The following TRIP13 variants were observed in gnomAD, a reference collection of about 807,000 sequenced individuals.
TRIP13 encodes the protein pachytene checkpoint protein 2 homolog.
TRIP13 carries 25 observed loss-of-function variants against 54.4 expected under a neutral mutation model. The ratio of observed to expected loss-of-function variants is 0.46; its 90% CI spans 0.33 to 0.64. The LOEUF (loss-of-function observed/expected upper bound fraction) is 0.64. TRIP13 is among the 30% of genes least tolerant of loss of function. TRIP13 has a pLI of 0.02. For missense variants in TRIP13, 373 were observed against 534.2 expected (o/e 0.70, Z 2.97); for synonymous variants, 207 against 207.8 (o/e 1.00, Z 0.03).
intron 2 of TRIP13, among the ~76,000 whole-genome samples, chr5:896,023 T>G (rs1753905726): frequency 6.6e-6 from 1 of 152,140 alleles, no homozygotes; most frequent in Admixed American, 6.5e-5. Flanking sequence ...AAGACACAGT[T>G]AGGAAACCGA....
chr5:895,244 A>G (rs1374379156), intron 2 of TRIP13, among the ~76,000 whole-genome samples: 2 of 152,220 alleles, frequency 1.3e-5, no homozygotes, highest in Admixed American at 6.5e-5. Context: ...GCCATGTCTC[A>G]TTCTTTCAAT....
Position 908,588 on chromosome 5 carries a change from G to C in TRIP13, c.866+127G>C. ...TTCACCGGAAAGTGCATTTGGCATT[G>C]AGTATCGACTCCTTTTCCACATTGG... On this transcript the variant is annotated intron_variant, in intron 9 of 12. Coordinates refer to ENST00000166345, the MANE Select transcript of TRIP13 (RefSeq NM_004237.4). The surrounding 1 kb of genome is among the most constrained non-coding windows in gnomAD (Gnocchi z 5.2). The C allele has an allele frequency of 6.6e-7, 1 of 1,506,044 alleles. No individual in the cohort carries two copies. Among genetic ancestry groups the C allele is most frequent in the East Asian group, 2.4e-5 (1 of 41,422 alleles). The allele number at this position is 1,506,044 out of a possible 1,614,324, so 93.3% of individuals were successfully genotyped here. A position where few individuals can be genotyped will look rare whatever the true frequency, so the allele number is the denominator to read the frequency against.
At chr5:900,049 C>T (rs1269109739) in intron 3 of TRIP13, among the ~76,000 whole-genome samples, 3 of 152,142 alleles carry the variant, frequency 2.0e-5, no homozygotes, top group Non-Finnish European at 4.4e-5. Context: ...GGATAAAAGA[C>T]AATTGTAAGT....
chr5:906,351 ACT>A (rs1372376240), intron 6 of TRIP13, among the ~76,000 whole-genome samples: 1 of 152,172 alleles, frequency 6.6e-6, no homozygotes, highest in Non-Finnish European at 1.5e-5. Flanking sequence ...ACTTTTCCTC[ACT>A]CTATCAAAGA....
At chr5:896,932 G>T in intron 3 of TRIP13, 138 bp downstream of exon 3, 2 of 1,058,702 alleles carry the variant, frequency 1.9e-6, no homozygotes, top group Non-Finnish European at 2.6e-6. Context: ...TTATGAAATG[G>T]AAAGTATATC....
At position 908,231 on chromosome 5, in the gene TRIP13, G is replaced by T. The variant is rs138209573; in HGVS notation, c.760-124G>T. 3.9e-5 allele frequency: 54 copies of T among 1,396,972 alleles called. No homozygotes were observed. The African/African-American group carries it at 5.7e-4, about 15-fold the overall frequency. The allele number at this position is 1,396,972 out of a possible 1,614,324, so 86.5% of individuals were successfully genotyped here. ...GCCTTTCCACCTTGCCGCAGCATCCGCAGGCTAGGCACGGGAACACCCATT... is the reference window on the plus strand; with the variant it reads ...GCCTTTCCACCTTGCCGCAGCATCCTCAGGCTAGGCACGGGAACACCCATT... On this transcript the variant is annotated intron_variant, in intron 8 of 12. Coordinates refer to ENST00000166345, the MANE Select transcript of TRIP13 (RefSeq NM_004237.4). This position sits in a 1 kb window ranked among gnomAD's most constrained non-coding sequence, Gnocchi z 5.2.
chr5:911,977 G>T lies in TRIP13; in HGVS notation c.1001G>T (p.Cys334Phe). Residue 334 changes from cysteine (C) to phenylalanine (F), a missense_variant, in exon 10 of 13, where the codon TGT becomes TTT. Around this residue, in one of 4 missense-constraint regions of TRIP13, gnomAD observed 101 missense variants for 138.5 expected, o/e 0.73. Transcript: ENST00000166345. The surrounding 1 kb of genome is among the most constrained non-coding windows in gnomAD (Gnocchi z 4.7). ...AAAIFKIYLS[C>F]LEELMKCQII... ...GCCATCTTCAAAATCTACCTCTCTT[G>T]TTTGGAAGAACTGATGAAGGTACCT... 1 of 1,610,178 alleles carries T rather than the reference G, an allele frequency of 6.2e-7. No homozygotes were observed. The highest frequency in any genetic ancestry group is 8.5e-7 in the Non-Finnish European group (1 of 1,178,970).
In TRIP13 at chr5:917,323, C is replaced by A; in HGVS notation, c.*220C>A. 1 of 486,814 alleles carries A rather than the reference C, an allele frequency of 2.1e-6. No homozygotes were observed. The highest frequency in any genetic ancestry group is 3.6e-5 in the East Asian group (1 of 28,076). The allele number at this position is 486,814 out of a possible 1,614,324, so 30.2% of individuals were successfully genotyped here. A position where few individuals can be genotyped will look rare whatever the true frequency, so the allele number is the denominator to read the frequency against. Reference sequence around the variant, plus strand: ...AGAGACAAACATCTTGTCATTTTCACTGTTTGTAAAAGATAATTCAGATTG... The same window carrying A: ...AGAGACAAACATCTTGTCATTTTCAATGTTTGTAAAAGATAATTCAGATTG... On this transcript the variant is annotated 3_prime_UTR_variant, in exon 13 of 13. Transcript: ENST00000166345.
chr5:906,189 A>C (rs1754111723), intron 6 of TRIP13, among the ~76,000 whole-genome samples: 1 of 152,194 alleles, frequency 6.6e-6, no homozygotes, highest in South Asian at 2.1e-4. Context: ...CCCTGCCTCC[A>C]AAGAGTAACC....
rs1051384179 is a variant in TRIP13 at position 908,259 on chromosome 5, T to C, written c.760-96T>C. 1.3e-4 allele frequency: 191 copies of C among 1,463,486 alleles called. No homozygotes were observed. Among genetic ancestry groups the C allele is most frequent in the Non-Finnish European group, 1.7e-4 (183 of 1,056,944 alleles). 90.7% of individuals were successfully genotyped at this position (1,463,486 alleles called of 1,614,324 possible). On this transcript the variant is annotated intron_variant, in intron 8 of 12. Transcript: ENST00000166345. This position sits in a 1 kb window ranked among gnomAD's most constrained non-coding sequence, Gnocchi z 5.2. ...GGCTAGGCACGGGAACACCCATTCA[T>C]TCATCTTTTTCACGTGCTCAGCGGG...
rs773393676 is a variant in TRIP13, at chr5:894,775, T to C, written c.93-12T>C. ...TAAGATCATTTATGTGTGTTTTGGC[T>C]TCTTTTTTTAGCACTGCAAAGAAAG... On this transcript the variant is annotated splice_polypyrimidine_tract_variant and intron_variant, in intron 1 of 12. Coordinates refer to ENST00000166345, the MANE Select transcript of TRIP13 (RefSeq NM_004237.4). 1.3e-6 allele frequency: 2 copies of C among 1,587,934 alleles called. No homozygotes were observed. The highest frequency in any genetic ancestry group is 1.7e-6 in the Non-Finnish European group (2 of 1,169,648).
chr5:895,103 C>T, intron 2 of TRIP13, 151 bp downstream of exon 2: 1 of 784,314 alleles, frequency 1.3e-6, no homozygotes, highest in Non-Finnish European at 2.0e-6. Context: ...CACTAGCTGT[C>T]AGGAGCCAGG....
intron 10 of TRIP13, among the ~76,000 whole-genome samples, chr5:914,160 C>G (rs555871789): frequency 6.6e-6 from 1 of 152,164 alleles, no homozygotes; most frequent in Non-Finnish European, 1.5e-5. Context: ...AGGTCCCTTC[C>G]CTTCCTGACA....
At position 915,773 on chromosome 5, in the gene TRIP13, C is replaced by A; in HGVS notation, c.1134-131C>A. 1 of 888,012 alleles carries A rather than the reference C, an allele frequency of 1.1e-6. No homozygotes were observed. Among genetic ancestry groups the A allele is most frequent in the Non-Finnish European group, 1.9e-6 (1 of 539,134 alleles). 55.0% of individuals were successfully genotyped at this position (888,012 alleles called of 1,614,324 possible). A position where few individuals can be genotyped will look rare whatever the true frequency, so the allele number is the denominator to read the frequency against. On this transcript the variant is annotated intron_variant, in intron 11 of 12. Transcript: ENST00000166345. This position sits in a 1 kb window ranked among gnomAD's most constrained non-coding sequence, Gnocchi z 4.2. ...AGACCAGTGAGGGGCAGGAAGTGCC[C>A]TGTGAACCCAGGGTGTGCTTGGGAC... is the stretch of plus-strand genomic sequence containing the variant.
chr5:894,715 T>C, intron 1 of TRIP13, 72 bp from the exon 2 acceptor site: 2 of 1,510,424 alleles, frequency 1.3e-6, no homozygotes, highest in Admixed American at 2.2e-5. Context: ...TCTGAGTTTT[T>C]CAAAACACTT....
chr5:902,024 T>C (rs575541386), intron 5 of TRIP13, among the ~76,000 whole-genome samples: 54 of 152,238 alleles, frequency 3.5e-4, no homozygotes, highest in Non-Finnish European at 6.9e-4. Context: ...CTAAACCTTA[T>C]GTAGACTATT....
chr5:907,169 C>T lies in TRIP13; in HGVS notation c.648C>T (p.Ser216=), dbSNP rs778790524. 11 of 1,613,842 alleles carry T rather than the reference C, an allele frequency of 6.8e-6. No individual in the cohort carries two copies. Among genetic ancestry groups the T allele is most frequent in the East Asian group, 2.2e-5 (1 of 44,894 alleles). The change falls in exon 7 of 13, where the codon AGC becomes AGT. Residue 216 remains serine (S), a synonymous_variant. Transcript: ENST00000166345. The surrounding 1 kb of genome is among the most constrained non-coding windows in gnomAD (Gnocchi z 4.1). ...AATTAATTGAAATAAACAGCCACAG[C>T]CTCTTTTCTAAGTGGTTTTCGGAAG... ...YGQLIEINSH[S]LFSKWFSESG...
intron 2 of TRIP13, among the ~76,000 whole-genome samples, 170 bp downstream of exon 2, chr5:895,122 G>T (rs1753887412): frequency 6.6e-6 from 1 of 152,216 alleles, no homozygotes; most frequent in African/African-American, 2.4e-5. Context: ...GGTGCTGGGA[G>T]TAGGAAGTAG....
intron 12 of TRIP13, 66 bp downstream of exon 12, chr5:916,039 C>G (rs944392109): frequency 3.4e-5 from 51 of 1,482,390 alleles, no homozygotes; most frequent in Non-Finnish European, 4.2e-5. Flanking sequence ...CCGGAGATTC[C>G]GCTTAGTAGC....
Sources: allele counts gnomAD v4.1 joint callset (sites outside exome capture counted in the v4.1 genomes callset), GRCh38; gene constraint gnomAD v4.1.1; regional missense constraint gnomAD v4.1.1; non-coding constraint Gnocchi (gnomAD v3.1); transcripts MANE v1.5; gene names NCBI Gene and HGNC (gene_info 2026-07-23, HGNC 2026-07-21).